The following ADGRB3 variants were observed in gnomAD, a reference collection of about 807,000 sequenced individuals.
ADGRB3 encodes adhesion G protein-coupled receptor B3.
In ADGRB3, 37 loss-of-function variants were observed where a neutral mutation model predicts 193.4. The ratio of observed to expected loss-of-function variants is 0.19; its 90% CI spans 0.15 to 0.25. The LOEUF is 0.25. Ranked by LOEUF, ADGRB3 falls within the 10% of genes least tolerant of loss-of-function variation. The pLI, the probability that ADGRB3 is intolerant of heterozygous loss-of-function variation, is 1.00. For synonymous variants in ADGRB3, 690 were observed against 644.2 expected (o/e 1.07, Z -1.08); for missense variants, 1,637 against 1,852.9 (o/e 0.88, Z 2.14).
At chr6:69,270,673 T>A (rs1767154377) in intron 20 of ADGRB3, among the ~76,000 whole-genome samples, 1 of 152,140 alleles carries the variant, frequency 6.6e-6, no homozygotes, top group Non-Finnish European at 1.5e-5. Context: ...TAAGTAACGA[T>A]TTGTACCTTA....
At chr6:69,357,505 A>T (rs1245274732) in intron 28 of ADGRB3, among the ~76,000 whole-genome samples, 1 of 152,004 alleles carries the variant, frequency 6.6e-6, no homozygotes, top group East Asian at 1.9e-4. Flanking sequence ...AAAGAGTTGA[A>T]TGGCATGAAA....
chr6:69,233,105 C>A, intron 17 of ADGRB3, 185 bp from the exon 18 acceptor site: 2 of 845,396 alleles, frequency 2.4e-6, no homozygotes, highest in East Asian at 2.9e-5. Flanking sequence ...TGCTTTTTCC[C>A]ACTCTCGCTT....
intron 3 of ADGRB3, among the ~76,000 whole-genome samples, chr6:68,682,100 A>G (rs1169384009): frequency 6.6e-6 from 1 of 152,220 alleles, no homozygotes; most frequent in Non-Finnish European, 1.5e-5. Flanking sequence ...CCAGTTGCAG[A>G]TGAGTGTCTT....
chr6:69,212,316 A>T (rs779476), intron 17 of ADGRB3, among the ~76,000 whole-genome samples: 76,431 of 151,932 alleles, frequency 0.5, 21,032 homozygotes, highest in African/African-American at 0.72. Flanking sequence ...TTAAAATGGA[A>T]ACACAAGTTC....
chr6:69,013,927 C>A (rs1158192207), intron 11 of ADGRB3, 111 bp from the exon 12 acceptor site: 1 of 566,620 alleles, frequency 1.8e-6, no homozygotes, highest in South Asian at 3.1e-5. Context: ...GGTCATAAAG[C>A]AATATTGCAA....
chr6:68,846,587 T>C (rs1304055583), intron 3 of ADGRB3, among the ~76,000 whole-genome samples: 1 of 152,192 alleles, frequency 6.6e-6, no homozygotes, highest in African/African-American at 2.4e-5. Context: ...GTTCAGGCTG[T>C]GGCTTCAGAG....
At chr6:68,780,242 A>G (rs1022176347) in intron 3 of ADGRB3, among the ~76,000 whole-genome samples, 1 of 152,074 alleles carries the variant, frequency 6.6e-6, no homozygotes, top group Non-Finnish European at 1.5e-5. Flanking sequence ...CTAGTCTCAG[A>G]CAAGCTATAC....
At chr6:69,286,678 A>G (rs1292456740) in intron 20 of ADGRB3, among the ~76,000 whole-genome samples, 1 of 152,226 alleles carries the variant, frequency 6.6e-6, no homozygotes, top group African/African-American at 2.4e-5. Context: ...TTTCAAAACT[A>G]GAAACTTGAA....
chr6:68,675,167 G>T (rs1448152750), intron 3 of ADGRB3, among the ~76,000 whole-genome samples: 4 of 152,138 alleles, frequency 2.6e-5, no homozygotes, highest in Non-Finnish European at 4.4e-5. Context: ...TGGTTAGAAA[G>T]GGCAGGAGAA....
At chr6:69,372,195 CAAAGTGA>C (rs1769720547) in intron 29 of ADGRB3, among the ~76,000 whole-genome samples, 1 of 151,696 alleles carries the variant, frequency 6.6e-6, no homozygotes, top group Non-Finnish European at 1.5e-5. Flanking sequence ...AAAAGAAGTT[CAAAGTGA>C]AAATAGAAAA....
rs142250746 is a variant in ADGRB3, at chr6:69,293,150, A to G, written c.2815-31722A>G. Among the ~76,000 whole-genome samples the G allele has an allele frequency of 4.6e-5, 7 of 152,332 alleles. No homozygotes were observed. In the East Asian group the frequency reaches 9.6e-4, roughly 21 times the overall value. On this transcript the variant is annotated intron_variant, in intron 20 of 31. Coordinates refer to ENST00000370598, the MANE Select transcript of ADGRB3 (RefSeq NM_001704.3). ...AAGAAAGCCCATACATCTATGTCTC[A>G]TGTTTAAAAGTTATAAATCAAATAC... is the stretch of plus-strand genomic sequence containing the variant.
chr6:69,150,763 A>G (rs1287442424), intron 17 of ADGRB3, among the ~76,000 whole-genome samples: 1 of 152,204 alleles, frequency 6.6e-6, no homozygotes, highest in Non-Finnish European at 1.5e-5. Context: ...CAGAGTGTGT[A>G]CTACCTGGTT....
intron 3 of ADGRB3, among the ~76,000 whole-genome samples, chr6:68,915,390 A>G (rs1168622804): frequency 6.6e-6 from 1 of 152,252 alleles, no homozygotes; most frequent in Non-Finnish European, 1.5e-5. Flanking sequence ...GCTGTTAAAA[A>G]TTCATTAAAA....
intron 20 of ADGRB3, among the ~76,000 whole-genome samples, chr6:69,299,148 T>A (rs1263428192): frequency 6.6e-6 from 1 of 152,028 alleles, no homozygotes; most frequent in Non-Finnish European, 1.5e-5. Context: ...TTGGGCAGAT[T>A]TTCATACGCC....
intron 20 of ADGRB3, among the ~76,000 whole-genome samples, chr6:69,241,798 A>T (rs968628301): frequency 2.0e-5 from 3 of 151,952 alleles, no homozygotes; most frequent in African/African-American, 7.2e-5. Context: ...TATCAGATTG[A>T]CTAATGCTAA....
At chr6:68,691,882 C>T (rs1582127100) in intron 3 of ADGRB3, among the ~76,000 whole-genome samples, 3 of 151,306 alleles carry the variant, frequency 2.0e-5, no homozygotes, top group Admixed American at 6.6e-5. Context: ...AATCGAGATA[C>T]TTAATATATA....
intron 17 of ADGRB3, among the ~76,000 whole-genome samples, chr6:69,212,167 C>G (rs1046818332): frequency 6.6e-6 from 1 of 152,058 alleles, no homozygotes; most frequent in Non-Finnish European, 1.5e-5. Flanking sequence ...GTACAGCATT[C>G]GAAAAAACAT....
At chr6:68,860,246 T>C (rs1765115550) in intron 3 of ADGRB3, among the ~76,000 whole-genome samples, 1 of 152,156 alleles carries the variant, frequency 6.6e-6, no homozygotes, top group Non-Finnish European at 1.5e-5. Flanking sequence ...TTTATTTTAC[T>C]TTTTATGGAT....
At chr6:68,932,412 A>C (rs1046667049) in intron 4 of ADGRB3, among the ~76,000 whole-genome samples, 1 of 152,130 alleles carries the variant, frequency 6.6e-6, no homozygotes, top group Non-Finnish European at 1.5e-5. Context: ...GGTAAATTCA[A>C]ATTTCAAGGA....
Sources: allele counts gnomAD v4.1 joint callset (sites outside exome capture counted in the v4.1 genomes callset), GRCh38; gene constraint gnomAD v4.1.1; transcripts MANE v1.5; gene names NCBI Gene and HGNC (gene_info 2026-07-23, HGNC 2026-07-21).